Variants in DCC observed in about 807,000 individuals in gnomAD.
The protein encoded by DCC is netrin receptor DCC.
DCC carries 58 observed loss-of-function variants against 172.5 expected under a neutral mutation model. The observed-to-expected ratio is 0.34, with a 90% confidence interval of 0.27 to 0.42. The LOEUF (loss-of-function observed/expected upper bound fraction) is 0.42, where lower values mean the gene tolerates loss of function less well. Ranked by LOEUF, DCC falls within the 10% of genes least tolerant of loss-of-function variation. The probability of loss-of-function intolerance (pLI) is 1.00; values close to 1 mark genes in which losing one functional copy is unlikely to be tolerated. For synonymous variants in DCC, 709 were observed against 644.5 expected (o/e 1.10, Z -1.52); for missense variants, 1,740 against 1,791.0 (o/e 0.97, Z 0.51).
At chr18:52,890,386 G>A (rs913418265) in intron 2 of DCC, among the ~76,000 whole-genome samples, 1 of 152,008 alleles carries the variant, frequency 6.6e-6, no homozygotes, top group Non-Finnish European at 1.5e-5. Flanking sequence ...GACTAGTGGG[G>A]ATAGAACATA....
In DCC at chr18:53,492,489, G is replaced by T. The variant is rs146502612; in HGVS notation, c.3898+5531G>T. ...TCTTGAGTTAATTTTTGTATAAGGT[G>T]TAAAGAAGGGATCCAGTTTCAGCCT... On this transcript the variant is annotated intron_variant, in intron 26 of 28. Coordinates refer to ENST00000442544, the MANE Select transcript of DCC (RefSeq NM_005215.4). Among the ~76,000 whole-genome samples, 256 of 152,204 alleles carry T rather than the reference G, an allele frequency of 1.7e-3. 1 individual carries two copies. The highest frequency in any genetic ancestry group is 5.9e-3 in the African/African-American group (246 of 41,518).
rs1256100746 is a variant in DCC, at chr18:52,415,655, AC to A, written c.91+74778del. Among the ~76,000 whole-genome samples the A allele has an allele frequency of 8.5e-5, 13 of 152,218 alleles. No individual in the cohort carries two copies. In the East Asian group the frequency reaches 2.5e-3, roughly 29 times the overall value. On this transcript the variant is annotated intron_variant, in intron 1 of 28. Transcript: ENST00000442544. The stretch of plus-strand genomic sequence containing the variant: ...ATGGAGAGGTGATTAGGGAGGCTGT[AC>A]GGTGCTGCCATATTATAAAAATAGA...
chr18:53,287,747 C>T (rs2056952722), intron 12 of DCC, among the ~76,000 whole-genome samples: 2 of 152,066 alleles, frequency 1.3e-5, no homozygotes, highest in African/African-American at 2.4e-5. Context: ...TTGGTATCTG[C>T]TTAAAACTTT....
chr18:53,404,328 T>G (rs921412915), intron 19 of DCC, among the ~76,000 whole-genome samples: 5 of 152,024 alleles, frequency 3.3e-5, no homozygotes. Context: ...CTTATTTAAG[T>G]AAATCTTATC....
chr18:52,540,703 T>C (rs1193555056), intron 1 of DCC, among the ~76,000 whole-genome samples: 6 of 137,926 alleles, frequency 4.4e-5, no homozygotes, highest in Non-Finnish European at 7.6e-5. Context: ...ACCTCCCGGG[T>C]TCATGCCATT....
intron 7 of DCC, among the ~76,000 whole-genome samples, chr18:53,133,051 A>G (rs939407167): frequency 2.0e-5 from 3 of 152,208 alleles, no homozygotes; most frequent in African/African-American, 7.2e-5. Context: ...CAGGCCTACT[A>G]TTAGGGAAGT....
intron 1 of DCC, among the ~76,000 whole-genome samples, chr18:52,537,773 G>T (rs550752944): frequency 3.9e-5 from 6 of 152,166 alleles, no homozygotes; most frequent in Non-Finnish European, 7.3e-5. Flanking sequence ...CGACCATTGA[G>T]AGATTGTAAT....
At chr18:53,444,280 G>A (rs1379905967) in intron 22 of DCC, among the ~76,000 whole-genome samples, 2 of 152,134 alleles carry the variant, frequency 1.3e-5, no homozygotes, top group Non-Finnish European at 2.9e-5. Context: ...GGTGGCTTAT[G>A]CCTATAATCC....
At chr18:52,692,262 C>G (rs2035940197) in intron 1 of DCC, among the ~76,000 whole-genome samples, 1 of 152,178 alleles carries the variant, frequency 6.6e-6, no homozygotes, top group East Asian at 1.9e-4. Context: ...AGGATCTTTG[C>G]CAAGTATTTT....
chr18:52,681,035 G>A (rs775769176), intron 1 of DCC, among the ~76,000 whole-genome samples: 3 of 151,938 alleles, frequency 2.0e-5, no homozygotes, highest in African/African-American at 4.8e-5. Context: ...TGGTGGGGTC[G>A]GCATTTATTA....
At chr18:52,715,912 A>ATCTGAGTTCTGTGAACTCAGGTTAGG (rs2036372994) in intron 1 of DCC, among the ~76,000 whole-genome samples, 4 of 142,894 alleles carry the variant, frequency 2.8e-5, no homozygotes, top group East Asian at 2.3e-4. Flanking sequence ...TTCTCCTTCT[A>ATCTGAGTTCTGTGAACTCAGGTTAGG]TCTGAGTTCT....
chr18:52,918,214 A>G (rs777350053), intron 3 of DCC, among the ~76,000 whole-genome samples: 11 of 152,146 alleles, frequency 7.2e-5, no homozygotes, highest in Non-Finnish European at 1.0e-4. Context: ...TAATTGAACT[A>G]TGTTCATTAA....
chr18:53,282,185 AT>A (rs2056880571), intron 12 of DCC, among the ~76,000 whole-genome samples: 1 of 151,898 alleles, frequency 6.6e-6, no homozygotes, highest in African/African-American at 2.4e-5. Flanking sequence ...TGCTTTCTTT[AT>A]TTTTTATTCC....
chr18:52,528,703 C>T (rs1397199057), intron 1 of DCC, among the ~76,000 whole-genome samples: 4 of 152,104 alleles, frequency 2.6e-5, no homozygotes, highest in Non-Finnish European at 5.9e-5. Context: ...TCTGCTCCTA[C>T]TGTCACTGAC....
intron 1 of DCC, among the ~76,000 whole-genome samples, chr18:52,434,183 T>C (rs1282246124): frequency 6.6e-6 from 1 of 152,262 alleles, no homozygotes; most frequent in Non-Finnish European, 1.5e-5. Flanking sequence ...TTTACCTATG[T>C]AGTTAGCTGG....
chr18:52,430,885 A>C (rs2339345), intron 1 of DCC, among the ~76,000 whole-genome samples: 81,535 of 151,972 alleles, frequency 0.54, 23,492 homozygotes, highest in Admixed American at 0.65. Context: ...TAGACACTTT[A>C]AATTACTGTC....
intron 5 of DCC, among the ~76,000 whole-genome samples, chr18:52,944,538 G>C (rs139625593): frequency 6.6e-6 from 1 of 152,308 alleles, no homozygotes; most frequent in East Asian, 1.9e-4. Flanking sequence ...GCCCTGATAA[G>C]TGACAGGAGA....
At chr18:52,654,966 C>A (rs1234696083) in intron 1 of DCC, among the ~76,000 whole-genome samples, 2 of 152,144 alleles carry the variant, frequency 1.3e-5, no homozygotes, top group African/African-American at 4.8e-5. Context: ...AGCTTTAAAT[C>A]CTCTGTGCAT....
intron 1 of DCC, among the ~76,000 whole-genome samples, chr18:52,416,796 C>T (rs1169755777): frequency 6.6e-6 from 1 of 152,082 alleles, no homozygotes; most frequent in Non-Finnish European, 1.5e-5. Context: ...TTCCTGAATA[C>T]AGCACACGAT....
Sources: gnomAD v4.1 joint callset for allele counts (sites outside exome capture counted in the v4.1 genomes callset) on GRCh38, gnomAD v4.1.1 for gene constraint, MANE v1.5 for transcripts, NCBI Gene and HGNC (gene_info 2026-07-23, HGNC 2026-07-21) for gene names.